CCDC85C: variants seen among roughly 807,000 people sequenced by gnomAD.
CCDC85C encodes coiled-coil domain containing 85C.
CCDC85C carries 18 observed loss-of-function variants against 38.3 expected under a neutral mutation model. The observed-to-expected ratio is 0.47, with a 90% CI of 0.33 to 0.70. The LOEUF is 0.70. Among genes scored for constraint, CCDC85C ranks in the 30% least tolerant of loss-of-function variants. The pLI, the probability that CCDC85C is intolerant of heterozygous loss-of-function variation, is 0.03. For synonymous variants in CCDC85C, 264 were observed against 293.8 expected (o/e 0.90, Z 1.04); for missense variants, 566 against 621.2 (o/e 0.91, Z 0.94).
chr14:99,522,053 C>T (rs1020718482), intron 3 of CCDC85C, 80 bp downstream of exon 3: 3 of 1,073,742 alleles, frequency 2.8e-6, no homozygotes, highest in African/African-American at 3.1e-5. Flanking sequence ...ATCCTTGTGC[C>T]CCTCCGGGCA....
chr14:99,525,326 G>A (rs1294671005), intron 2 of CCDC85C, among the ~76,000 whole-genome samples: 1 of 152,160 alleles, frequency 6.6e-6, no homozygotes, highest in African/African-American at 2.4e-5. Flanking sequence ...AGCTGCAGGG[G>A]GCCTATGTGG....
At chr14:99,601,582 G>A (rs560553236) in intron 1 of CCDC85C, among the ~76,000 whole-genome samples, 3 of 152,256 alleles carry the variant, frequency 2.0e-5, no homozygotes, top group African/African-American at 7.2e-5. Flanking sequence ...TCTGCTCTTT[G>A]GACTGCACTT....
rs569038194 is a variant in CCDC85C, at chr14:99,537,200, C to T, written c.794-1112G>A. ...ACAGCTGTCCACCCACCGGCCCACC[C>T]GACAACAGGACGCAGGGTCTTCCCA... is the stretch of plus-strand genomic sequence containing the variant. On this transcript the variant is annotated intron_variant, in intron 1 of 5. Coordinates refer to ENST00000380243, the MANE Select transcript of CCDC85C (RefSeq NM_001144995.2). Among the ~76,000 whole-genome samples, 9 of 152,300 alleles carry T rather than the reference C, an allele frequency of 5.9e-5. No homozygotes were observed. In the East Asian group the frequency reaches 1.5e-3, roughly 26 times the overall value.
intron 1 of CCDC85C, among the ~76,000 whole-genome samples, chr14:99,559,415 T>A (rs1359886133): frequency 6.6e-6 from 1 of 152,146 alleles, no homozygotes; most frequent in African/African-American, 2.4e-5. Flanking sequence ...CTATTACACC[T>A]TCTCTTATAG....
chr14:99,536,872 C>T (rs1897612818), intron 1 of CCDC85C, among the ~76,000 whole-genome samples: 3 of 152,220 alleles, frequency 2.0e-5, no homozygotes, highest in Admixed American at 2.0e-4. Flanking sequence ...CCCCCACGTC[C>T]AGCCATCCCA....
rs143867176 is a variant in CCDC85C at position 99,539,199 on chromosome 14, G to A, written c.794-3111C>T. Among the ~76,000 whole-genome samples the A allele has an allele frequency of 9.5e-3, 1,443 of 152,302 alleles. 22 individuals are homozygous for A. The highest frequency in any genetic ancestry group is 0.033 in the African/African-American group (1,372 of 41,548). On this transcript the variant is annotated intron_variant, in intron 1 of 5. Coordinates refer to ENST00000380243, the MANE Select transcript of CCDC85C (RefSeq NM_001144995.2). Reference sequence around the variant, plus strand: ...AAAGAATTAATTCTAGGCTGGGCACGGTGGCACATGCCTGCAATCCCAGCA... The same window carrying A: ...AAAGAATTAATTCTAGGCTGGGCACAGTGGCACATGCCTGCAATCCCAGCA...
chr14:99,570,033 A>G (rs1230092186), intron 1 of CCDC85C, among the ~76,000 whole-genome samples: 1 of 151,900 alleles, frequency 6.6e-6, no homozygotes, highest in East Asian at 1.9e-4. Flanking sequence ...CAGGACACGG[A>G]CCTGTGGGGA....
chr14:99,556,666 G>C (rs771541990), intron 1 of CCDC85C, among the ~76,000 whole-genome samples: 4 of 152,036 alleles, frequency 2.6e-5, no homozygotes, highest in Non-Finnish European at 4.4e-5. Flanking sequence ...TGGAACCACA[G>C]ACATATGTCA....
chr14:99,551,872 G>A (rs768983234), intron 1 of CCDC85C, among the ~76,000 whole-genome samples: 4 of 152,194 alleles, frequency 2.6e-5, no homozygotes, highest in Non-Finnish European at 5.9e-5. Flanking sequence ...AAGGGCTCAA[G>A]AGACAGCCCA....
In CCDC85C at chr14:99,503,594, AT is replaced by A; in HGVS notation, c.*11651del. The A allele has an allele frequency of 6.4e-7, 1 of 1,553,938 alleles. No individual in the cohort carries two copies. ...TCAGGATCCCAGTTAACAATTGTGT[AT>A]TTTCTTTTGTAACAGGTTGTTTCTC... On this transcript the variant is annotated 3_prime_UTR_variant, in exon 6 of 6. Transcript: ENST00000380243.
intron 2 of CCDC85C, among the ~76,000 whole-genome samples, chr14:99,523,549 AT>A (rs1897330709): frequency 6.6e-6 from 1 of 152,160 alleles, no homozygotes; most frequent in African/African-American, 2.4e-5. Flanking sequence ...GAAAGCAGGG[AT>A]CCGGCACTGA....
Position 99,548,618 on chromosome 14 carries a change from AT to A in CCDC85C, c.794-12531del, listed in dbSNP as rs1897849767. Reference sequence around the variant, plus strand: ...ATGCCCTCCCCAGGAGACCAGACAAATTGTCGTTTAACCCAACAATGAAATA... The same window carrying A: ...ATGCCCTCCCCAGGAGACCAGACAAATGTCGTTTAACCCAACAATGAAATA... On this transcript the variant is annotated intron_variant, in intron 1 of 5. Transcript: ENST00000380243. The surrounding 1 kb of genome is among the most constrained non-coding windows in gnomAD (Gnocchi z 4.9). Among the ~76,000 whole-genome samples the A allele has an allele frequency of 6.6e-6, 1 of 151,982 alleles. No homozygotes were observed. The highest frequency in any genetic ancestry group is 2.4e-5 in the African/African-American group (1 of 41,372).
At chr14:99,554,387 C>G (rs1897972216) in intron 1 of CCDC85C, among the ~76,000 whole-genome samples, 2 of 152,256 alleles carry the variant, frequency 1.3e-5, no homozygotes, top group Non-Finnish European at 2.9e-5. Flanking sequence ...AGTGTGCCCG[C>G]CCGGCACAGC....
chr14:99,515,130 G>C lies in CCDC85C; in HGVS notation c.*116C>G, dbSNP rs1344680925. 4.0e-6 allele frequency: 3 copies of C among 753,404 alleles called. No individual in the cohort carries two copies. The highest frequency in any genetic ancestry group is 6.5e-6 in the Non-Finnish European group (3 of 460,808). 46.7% of individuals were successfully genotyped at this position (753,404 alleles called of 1,614,324 possible). ...CAGGGCGGGCAGCGTCCTATGTACA[G>C]TTCACCACAGAGGAAGAAGACAGGG... is the stretch of plus-strand genomic sequence containing the variant. On this transcript the variant is annotated 3_prime_UTR_variant, in exon 6 of 6. Transcript: ENST00000380243.
chr14:99,503,195 G>C lies in CCDC85C; in HGVS notation c.*12051C>G. 1 of 706,998 alleles carries C rather than the reference G, an allele frequency of 1.4e-6. No individual in the cohort carries two copies. The highest frequency in any genetic ancestry group is 2.0e-5 in the Admixed American group (1 of 49,802). The allele number at this position is 706,998 out of a possible 1,614,324, so 43.8% of individuals were successfully genotyped here. On this transcript the variant is annotated 3_prime_UTR_variant, in exon 6 of 6. Coordinates refer to ENST00000380243, the MANE Select transcript of CCDC85C (RefSeq NM_001144995.2). ...TCTGAGAACCAGGAGGGGGCTCTCT[G>C]CCCGGCTCCAGCCCTGCTGCCTGTT...
chr14:99,536,181 G>A (rs1897595162), intron 1 of CCDC85C, 93 bp from the exon 2 acceptor site: 1 of 916,116 alleles, frequency 1.1e-6, no homozygotes, highest in Admixed American at 2.0e-5. Context: ...GGCATGGAAG[G>A]TTTGGGTCTG....
Position 99,500,678 on chromosome 14 carries a change from A to C in CCDC85C, c.*14568T>G. 1.2e-6 allele frequency: 1 copy of C among 860,674 alleles called. No individual in the cohort carries two copies. Among genetic ancestry groups the C allele is most frequent in the Non-Finnish European group, 1.9e-6 (1 of 522,440 alleles). 53.3% of individuals were successfully genotyped at this position (860,674 alleles called of 1,614,324 possible). On this transcript the variant is annotated 3_prime_UTR_variant, in exon 6 of 6. Transcript: ENST00000380243. ...TTGCTAAAATATAACTTGAAGAGAG[A>C]ATAAATAGACAGGAAAGCTCACTTT...
chr14:99,601,024 C>T (rs999641756), intron 1 of CCDC85C, among the ~76,000 whole-genome samples: 3 of 151,082 alleles, frequency 2.0e-5, no homozygotes, highest in East Asian at 1.9e-4. Flanking sequence ...CACCCTGTCT[C>T]GAAAAAAGGG....
chr14:99,519,697 C>A (rs1239346126), intron 3 of CCDC85C, among the ~76,000 whole-genome samples: 1 of 152,212 alleles, frequency 6.6e-6, no homozygotes, highest in Non-Finnish European at 1.5e-5. Context: ...GTTCCACCCA[C>A]ACAATGGAAT....
Sources: allele counts gnomAD v4.1 joint callset (sites outside exome capture counted in the v4.1 genomes callset), GRCh38; gene constraint gnomAD v4.1.1; non-coding constraint Gnocchi (gnomAD v3.1); transcripts MANE v1.5; gene names NCBI Gene and HGNC (gene_info 2026-07-23, HGNC 2026-07-21).